Variants in MCPH1 observed in about 807,000 individuals in gnomAD.
MCPH1 encodes microcephalin.
A neutral mutation model predicts 84.5 loss-of-function variants in MCPH1; 104 were observed. The observed-to-expected ratio is 1.23, with a 90% CI of 1.05 to 1.45. The LOEUF (loss-of-function observed/expected upper bound fraction) is 1.45, where lower values mean the gene tolerates loss of function less well. Ranked by LOEUF, MCPH1 falls within the 40% of genes most tolerant of loss-of-function variation. MCPH1 has a pLI of 0.00. For missense variants in MCPH1, 1,498 were observed against 1,005.7 expected, an observed-to-expected ratio of 1.49 and a Z score of -6.62; for synonymous variants, 514 against 366.8, an observed-to-expected ratio of 1.40 and a Z score of -4.58.
intron 12 of MCPH1, among the ~76,000 whole-genome samples, chr8:6,531,505 T>G (rs1280288853): frequency 6.6e-6 from 1 of 152,180 alleles, no homozygotes; most frequent in African/African-American, 2.4e-5. Context: ...TTGGCCAGGC[T>G]GGTCTCGAAC....
At position 6,626,024 on chromosome 8, in the gene MCPH1, G is replaced by A. The variant is rs1475485032; in HGVS notation, c.2452+4333G>A. The A allele has an allele frequency of 4.1e-6, 4 of 985,210 alleles. No individual in the cohort carries two copies. The highest frequency in any genetic ancestry group is 1.7e-5 in the African/African-American group (1 of 57,194). The allele number at this position is 985,210 out of a possible 1,614,324, so 61.0% of individuals were successfully genotyped here. ...CGACAGCTCTTCCCCTGGGACTGCA[G>A]CATCCGAGCACCACAGTCCACCCGC... is the stretch of plus-strand genomic sequence containing the variant. On this transcript the variant is annotated intron_variant, in intron 13 of 13. Transcript: ENST00000344683.
intron 12 of MCPH1, among the ~76,000 whole-genome samples, chr8:6,617,762 A>C (rs1830964375): frequency 6.6e-6 from 1 of 152,020 alleles, no homozygotes; most frequent in Non-Finnish European, 1.5e-5. Flanking sequence ...CTGCAGCCTC[A>C]ACTTCCTGGG....
chr8:6,576,047 TTAAAAAA>T (rs1827059507), intron 12 of MCPH1, among the ~76,000 whole-genome samples: 1 of 138,392 alleles, frequency 7.2e-6, no homozygotes, highest in Non-Finnish European at 1.5e-5. Context: ...TAATACAGCC[TTAAAAAA>T]AAAAAAAAAA....
chr8:6,432,912 CA>C (rs1265894493), intron 4 of MCPH1, among the ~76,000 whole-genome samples: 13 of 152,184 alleles, frequency 8.5e-5, no homozygotes, highest in Non-Finnish European at 1.8e-4. Context: ...ATTTAGTAAA[CA>C]CAGACATCTC....
At chr8:6,493,177 G>A (rs191865251) in intron 11 of MCPH1, among the ~76,000 whole-genome samples, 2 of 152,218 alleles carry the variant, frequency 1.3e-5, no homozygotes, top group African/African-American at 4.8e-5. Context: ...CTTCACATGT[G>A]AGTACAGTGG....
intron 2 of MCPH1, among the ~76,000 whole-genome samples, chr8:6,413,306 C>G (rs962962666): frequency 9.2e-5 from 14 of 151,932 alleles, no homozygotes; most frequent in Admixed American, 9.2e-4. Flanking sequence ...TCCTCTTCAC[C>G]TTGATTACCC....
rs1039041143 is a variant in MCPH1 at position 6,646,911 on chromosome 8, T to G, written c.*3862T>G. 2 of 152,250 alleles carry G rather than the reference T, an allele frequency of 1.3e-5. No individual in the cohort carries two copies. The highest frequency in any genetic ancestry group is 4.1e-4 in the South Asian group (2 of 4,832). The allele number at this position is 152,250 out of a possible 1,614,324, so 9.4% of individuals were successfully genotyped here. ...GACCTCAGGTTAGGCAAAGCTTTCT[T>G]AGATATGACACTAAAGGCATAATTC... is the stretch of plus-strand genomic sequence containing the variant. On this transcript the variant is annotated 3_prime_UTR_variant, in exon 14 of 14. Transcript: ENST00000344683.
At chr8:6,443,684 G>A (rs1198752375) in intron 7 of MCPH1, among the ~76,000 whole-genome samples, 2 of 152,250 alleles carry the variant, frequency 1.3e-5, no homozygotes, top group Non-Finnish European at 2.9e-5. Context: ...AGCAGAGGGG[G>A]CAAGGCCAGG....
chr8:6,414,088 T>C (rs944237415), intron 2 of MCPH1, among the ~76,000 whole-genome samples: 1 of 152,164 alleles, frequency 6.6e-6, no homozygotes, highest in Non-Finnish European at 1.5e-5. Flanking sequence ...TTTCCAACTT[T>C]TTGAATGATT....
chr8:6,450,363 G>A (rs1482723105), intron 8 of MCPH1, among the ~76,000 whole-genome samples: 2 of 151,824 alleles, frequency 1.3e-5, no homozygotes, highest in Non-Finnish European at 2.9e-5. Flanking sequence ...TGAAAGGTTT[G>A]CTGGAGGCAG....
chr8:6,466,762 G>C (rs897930363), intron 9 of MCPH1, among the ~76,000 whole-genome samples: 4 of 151,926 alleles, frequency 2.6e-5, no homozygotes, highest in Admixed American at 2.0e-4. Flanking sequence ...TTTAAGTACA[G>C]ACGGGGTTTC....
At chr8:6,449,086 T>A (rs77187332) in intron 8 of MCPH1, among the ~76,000 whole-genome samples, 1 of 152,240 alleles carries the variant, frequency 6.6e-6, no homozygotes, top group East Asian at 1.9e-4. Flanking sequence ...AAGGCTGATT[T>A]GTAATAAGAT....
rs757262345 is a variant in MCPH1 at position 6,446,687 on chromosome 8, C to T, written c.1825+1140C>T. On this transcript the variant is annotated intron_variant, in intron 8 of 13. Coordinates refer to ENST00000344683, the MANE Select transcript of MCPH1 (RefSeq NM_024596.5). ...CTTTGGTAGTTAAGAATATCCTGTT[C>T]TGAGGTTTACATTCTCCATCTTTCC... The T allele has an allele frequency of 2.8e-5, 28 of 984,824 alleles. No homozygotes were observed. The Admixed American group carries it at 1.4e-3, about 50-fold the overall frequency. The allele number at this position is 984,824 out of a possible 1,614,324, so 61.0% of individuals were successfully genotyped here.
intron 12 of MCPH1, among the ~76,000 whole-genome samples, chr8:6,523,522 A>G (rs1275606924): frequency 6.6e-6 from 1 of 152,204 alleles, no homozygotes; most frequent in Non-Finnish European, 1.5e-5. Flanking sequence ...GTATTTGAGA[A>G]TGTTAACTGT....
chr8:6,571,014 A>C (rs1826614403), intron 12 of MCPH1, among the ~76,000 whole-genome samples: 1 of 152,152 alleles, frequency 6.6e-6, no homozygotes, highest in Non-Finnish European at 1.5e-5. Flanking sequence ...TTTAAGAAAA[A>C]AAAATTCCTT....
chr8:6,472,685 C>G (rs374522995), intron 9 of MCPH1, among the ~76,000 whole-genome samples: 6 of 152,084 alleles, frequency 3.9e-5, no homozygotes, highest in Non-Finnish European at 7.4e-5. Flanking sequence ...CCAGGCTGGT[C>G]TCGAACTCCT....
intron 1 of MCPH1, among the ~76,000 whole-genome samples, chr8:6,407,336 C>T (rs1450537309): frequency 2.6e-5 from 4 of 152,080 alleles, no homozygotes; most frequent in Non-Finnish European, 4.4e-5. Context: ...TTTAACCGCT[C>T]TATCAACTCT....
intron 2 of MCPH1, among the ~76,000 whole-genome samples, chr8:6,412,779 T>C (rs1798722808): frequency 6.6e-6 from 1 of 152,164 alleles, no homozygotes; most frequent in South Asian, 2.1e-4. Flanking sequence ...TAATTCTTAA[T>C]TGCCTTGATA....
intron 12 of MCPH1, among the ~76,000 whole-genome samples, chr8:6,533,194 C>G (rs574226816): frequency 2.0e-5 from 3 of 152,200 alleles, no homozygotes; most frequent in East Asian, 3.8e-4. Context: ...TGGGCTGGTT[C>G]TTCTCTCCCT....
Sources: gnomAD v4.1 joint callset for allele counts (sites outside exome capture counted in the v4.1 genomes callset) on GRCh38, gnomAD v4.1.1 for gene constraint, MANE v1.5 for transcripts, NCBI Gene and HGNC (gene_info 2026-07-23, HGNC 2026-07-21) for gene names.